DLG2: variants seen among roughly 807,000 people sequenced by gnomAD.
DLG2 encodes the protein discs large MAGUK scaffold protein 2.
In DLG2, 45 loss-of-function variants were observed where a neutral mutation model predicts 132.5. The ratio of observed to expected loss-of-function variants is 0.34; its 90% confidence interval spans 0.27 to 0.44. The LOEUF (loss-of-function observed/expected upper bound fraction) is 0.44. DLG2 is among the 20% of genes least tolerant of loss of function. DLG2 has a pLI of 1.00. For missense variants in DLG2, 1,045 were observed against 1,196.9 expected, an observed-to-expected ratio of 0.87 and a Z score of 1.87; for synonymous variants, 424 against 419.6, an observed-to-expected ratio of 1.01 and a Z score of -0.13.
At chr11:85,403,358 G>T (rs1356376461) in intron 3 of DLG2, among the ~76,000 whole-genome samples, 1 of 152,048 alleles carries the variant, frequency 6.6e-6, no homozygotes, top group Non-Finnish European at 1.5e-5. Flanking sequence ...GGGGCTGGGG[G>T]AGGGATAGCA....
chr11:85,604,565 TC>T (rs2080393844), intron 2 of DLG2, among the ~76,000 whole-genome samples: 1 of 152,038 alleles, frequency 6.6e-6, no homozygotes, highest in Non-Finnish European at 1.5e-5. Context: ...GAATTTTTCA[TC>T]TAAATTGCCT....
At chr11:84,974,992 A>G (rs139952884) in intron 6 of DLG2, among the ~76,000 whole-genome samples, 133 of 152,336 alleles carry the variant, frequency 8.7e-4, no homozygotes, top group African/African-American at 3.1e-3. Flanking sequence ...ATTTTATACA[A>G]GGACATTGTA....
At chr11:84,912,176 G>GTC (rs2092122971) in intron 6 of DLG2, among the ~76,000 whole-genome samples, 1 of 152,082 alleles carries the variant, frequency 6.6e-6, no homozygotes, top group African/African-American at 2.4e-5. Context: ...TTAAGACGGA[G>GTC]TCTCACTCTG....
intron 26 of DLG2, 82 bp from the exon 27 acceptor site, chr11:83,462,175 C>A: frequency 1.1e-6 from 1 of 926,506 alleles, no homozygotes. Context: ...AAAAATAAAT[C>A]CTACAGAAAA....
intron 15 of DLG2, among the ~76,000 whole-genome samples, chr11:83,879,836 T>C (rs922110387): frequency 6.6e-6 from 1 of 152,184 alleles, no homozygotes; most frequent in African/African-American, 2.4e-5. Flanking sequence ...ATAAAGAGAA[T>C]GATGAAAGCA....
At chr11:84,504,553 T>A (rs905410484) in intron 7 of DLG2, among the ~76,000 whole-genome samples, 1 of 152,310 alleles carries the variant, frequency 6.6e-6, no homozygotes, top group Admixed American at 6.5e-5. Flanking sequence ...GCTGACCTAA[T>A]TGCCAACATT....
At chr11:83,907,610 G>T (rs192235125) in intron 15 of DLG2, among the ~76,000 whole-genome samples, 26 of 152,244 alleles carry the variant, frequency 1.7e-4, no homozygotes, top group African/African-American at 5.8e-4. Flanking sequence ...GATCAAATGA[G>T]CTCATGTATG....
In DLG2 at chr11:85,068,414, C is replaced by G. The variant is rs533922980; in HGVS notation, c.357+43247G>C. 3.4e-4 allele frequency among the ~76,000 whole-genome samples: 51 copies of G among 152,190 alleles called. 1 individual carries two copies. Among genetic ancestry groups the G allele is most frequent in the Admixed American group, 1.2e-3 (19 of 15,262 alleles). ...TATGTAGGAAACCCCATAGTCTCAG[C>G]CCAAAATCTCCTTAAGCTGATAGGC... is the stretch of plus-strand genomic sequence containing the variant. On this transcript the variant is annotated intron_variant, in intron 6 of 27. Coordinates refer to ENST00000376104, the MANE Select transcript of DLG2 (RefSeq NM_001142699.3).
chr11:83,660,212 C>G (rs528138499), intron 18 of DLG2, among the ~76,000 whole-genome samples: 4 of 152,124 alleles, frequency 2.6e-5, no homozygotes, highest in Non-Finnish European at 5.9e-5. Flanking sequence ...CTTAGGAGCT[C>G]TTAGCCCAGT....
chr11:84,090,670 G>C (rs1014072857), intron 10 of DLG2, among the ~76,000 whole-genome samples: 2 of 152,102 alleles, frequency 1.3e-5, no homozygotes, highest in African/African-American at 4.8e-5. Flanking sequence ...GTTGGTAAAA[G>C]TAAAATTTGG....
chr11:83,958,836 T>C (rs1043295955), intron 14 of DLG2, among the ~76,000 whole-genome samples: 1 of 152,254 alleles, frequency 6.6e-6, no homozygotes, highest in East Asian at 1.9e-4. Context: ...AAAAAAATAG[T>C]GCACATATAC....
rs1053352833 is a variant in DLG2, at chr11:84,391,788, T to A, written c.520-140497A>T. On this transcript the variant is annotated intron_variant, in intron 7 of 27. Coordinates refer to ENST00000376104, the MANE Select transcript of DLG2 (RefSeq NM_001142699.3). ...TTTAAATTTAGCTTGGGATTTTCTG[T>A]TAATGTTAAAAAAAAAAAAAAGCCA... 4.0e-5 allele frequency among the ~76,000 whole-genome samples: 6 copies of A among 150,456 alleles called. No individual in the cohort carries two copies. The South Asian group carries it at 1.2e-3, about 31-fold the overall frequency.
intron 6 of DLG2, among the ~76,000 whole-genome samples, chr11:84,761,912 G>T (rs952783884): frequency 4.6e-5 from 7 of 151,976 alleles, no homozygotes; most frequent in Admixed American, 2.6e-4. Flanking sequence ...AATACAGATG[G>T]TCACTTAAAT....
intron 8 of DLG2, among the ~76,000 whole-genome samples, chr11:84,176,874 CTTT>C (rs2095985100): frequency 8.4e-5 from 1 of 11,844 alleles, no homozygotes; most frequent in African/African-American, 1.5e-4. Context: ...TGCTCTCTCT[CTTT>C]TCTTTTCTTT....
intron 25 of DLG2, among the ~76,000 whole-genome samples, chr11:83,467,168 T>C (rs572443736): frequency 2.0e-5 from 3 of 152,268 alleles, no homozygotes; most frequent in African/African-American, 4.8e-5. Context: ...CTGAACACAA[T>C]TGTCAGAAGA....
intron 3 of DLG2, among the ~76,000 whole-genome samples, chr11:85,413,938 G>A (rs922779334): frequency 6.6e-6 from 1 of 152,024 alleles, no homozygotes; most frequent in African/African-American, 2.4e-5. Context: ...TCTGAAGAAT[G>A]ATGGTGGTAT....
intron 7 of DLG2, among the ~76,000 whole-genome samples, chr11:84,371,127 T>C (rs2098704590): frequency 6.6e-6 from 1 of 152,138 alleles, no homozygotes; most frequent in Non-Finnish European, 1.5e-5. Flanking sequence ...CAGCCTTTGG[T>C]TTACTTTACT....
At chr11:84,351,625 G>C (rs2098572751) in intron 7 of DLG2, among the ~76,000 whole-genome samples, 1 of 152,168 alleles carries the variant, frequency 6.6e-6, no homozygotes, top group South Asian at 2.1e-4. Context: ...CTGGAACATA[G>C]TGGATACTCC....
intron 6 of DLG2, among the ~76,000 whole-genome samples, chr11:84,957,940 A>AAGG (rs2051943907): frequency 6.6e-6 from 1 of 152,170 alleles, no homozygotes; most frequent in Non-Finnish European, 1.5e-5. Context: ...ACTTGTGCAT[A>AAGG]AGGAGACTGA....
Sources: allele counts gnomAD v4.1 joint callset (sites outside exome capture counted in the v4.1 genomes callset), GRCh38; gene constraint gnomAD v4.1.1; transcripts MANE v1.5; gene names NCBI Gene and HGNC (gene_info 2026-07-23, HGNC 2026-07-21).